Variants in STK32B observed in about 807,000 individuals in gnomAD.
The protein encoded by STK32B is serine/threonine kinase 32B.
STK32B carries 43 observed loss-of-function variants against 52.6 expected under a neutral mutation model. The observed-to-expected ratio is 0.82, with a 90% confidence interval of 0.64 to 1.05. The LOEUF is 1.05. STK32B is among the 50% of genes least tolerant of loss of function. The probability of loss-of-function intolerance (pLI) is 0.00; values close to 1 mark genes in which losing one functional copy is unlikely to be tolerated. For missense variants in STK32B, 621 were observed against 534.6 expected, an observed-to-expected ratio of 1.16 and a Z score of -1.59; for synonymous variants, 238 against 204.3, an observed-to-expected ratio of 1.17 and a Z score of -1.41.
At chr4:5,223,000 T>G (rs972375263) in intron 3 of STK32B, among the ~76,000 whole-genome samples, 1 of 152,152 alleles carries the variant, frequency 6.6e-6, no homozygotes, top group African/African-American at 2.4e-5. Context: ...AGAGTGGTTT[T>G]GAGGGAGAGT....
At chr4:5,059,659 G>A (rs1010221004) in intron 1 of STK32B, among the ~76,000 whole-genome samples, 3 of 152,098 alleles carry the variant, frequency 2.0e-5, no homozygotes, top group East Asian at 1.9e-4. Context: ...CAATACATTC[G>A]AAGTGGACAA....
intron 3 of STK32B, among the ~76,000 whole-genome samples, chr4:5,180,496 C>T (rs776367582): frequency 1.3e-5 from 2 of 152,130 alleles, no homozygotes; most frequent in African/African-American, 2.4e-5. Flanking sequence ...CTGGTCACCT[C>T]TCTATCACAG....
intron 3 of STK32B, among the ~76,000 whole-genome samples, chr4:5,261,937 A>G (rs1003563984): frequency 1.3e-5 from 2 of 152,204 alleles, no homozygotes; most frequent in East Asian, 3.8e-4. Flanking sequence ...TGCAAATATA[A>G]TAATCAAATG....
At chr4:5,498,893 G>C in intron 11 of STK32B, 52 bp from the exon 12 acceptor site, 1 of 1,544,172 alleles carries the variant, frequency 6.5e-7, no homozygotes, top group Non-Finnish European at 8.8e-7. Context: ...TCCTGGATGT[G>C]CCTCCACAAC....
chr4:5,476,592 C>T (rs1191257876), intron 11 of STK32B, among the ~76,000 whole-genome samples: 1 of 151,958 alleles, frequency 6.6e-6, no homozygotes, highest in Non-Finnish European at 1.5e-5. Flanking sequence ...TGCCTGAGAA[C>T]CCTGTGTTGT....
chr4:5,359,393 C>A (rs1412825039), intron 4 of STK32B, among the ~76,000 whole-genome samples: 20 of 149,896 alleles, frequency 1.3e-4, no homozygotes, highest in East Asian at 5.9e-4. Context: ...CCCTCCCTCC[C>A]TCCCTCCCTC....
At chr4:5,237,575 A>C (rs1560247887) in intron 3 of STK32B, among the ~76,000 whole-genome samples, 1 of 152,228 alleles carries the variant, frequency 6.6e-6, no homozygotes, top group Non-Finnish European at 1.5e-5. Context: ...TGAAGACAAC[A>C]AATCTAGGAT....
At chr4:5,422,084 T>A (rs1712694501) in intron 6 of STK32B, among the ~76,000 whole-genome samples, 1 of 152,158 alleles carries the variant, frequency 6.6e-6, no homozygotes, top group Non-Finnish European at 1.5e-5. Flanking sequence ...TGGAAAAAGC[T>A]TTTCCAATTA....
At chr4:5,042,018 T>C in the STK32B span, among the ~76,000 whole-genome samples, 25 of 152,316 alleles carry the variant, frequency 1.6e-4, no homozygotes, top group South Asian at 2.9e-3. Flanking sequence ...TTCTACAGCG[T>C]GATCGTGTTA....
the STK32B span, among the ~76,000 whole-genome samples, chr4:5,032,175 A>G: frequency 7.1e-6 from 1 of 140,094 alleles, no homozygotes; most frequent in Non-Finnish European, 1.5e-5. Context: ...CCTAGAAAGA[A>G]AAAAAAAAAA....
intron 4 of STK32B, among the ~76,000 whole-genome samples, chr4:5,375,339 C>G (rs1342890247): frequency 2.6e-5 from 4 of 152,190 alleles, no homozygotes; most frequent in East Asian, 3.8e-4. Flanking sequence ...ACACAGACCC[C>G]TCTGCTTCCA....
intron 6 of STK32B, among the ~76,000 whole-genome samples, chr4:5,433,955 G>C (rs554132037): frequency 1.3e-5 from 2 of 152,288 alleles, no homozygotes; most frequent in South Asian, 4.1e-4. Context: ...TGCTTTTCTG[G>C]AAGGCCCGTT....
At chr4:5,141,187 C>T (rs1400357321) in intron 2 of STK32B, among the ~76,000 whole-genome samples, 1 of 152,234 alleles carries the variant, frequency 6.6e-6, no homozygotes, top group Non-Finnish European at 1.5e-5. Flanking sequence ...CCAGTGGCTA[C>T]TGTATTGGAA....
chr4:5,343,260 C>G (rs911315816), intron 4 of STK32B, among the ~76,000 whole-genome samples: 1 of 152,074 alleles, frequency 6.6e-6, no homozygotes, highest in African/African-American at 2.4e-5. Flanking sequence ...TCATCCATGT[C>G]CCTACAAAGG....
chr4:5,226,490 A>G (rs531092067), intron 3 of STK32B, among the ~76,000 whole-genome samples: 1 of 152,318 alleles, frequency 6.6e-6, no homozygotes, highest in East Asian at 1.9e-4. Context: ...GAAAAGCATG[A>G]TGAAATCTCA....
intron 1 of STK32B, among the ~76,000 whole-genome samples, chr4:5,094,837 C>G (rs1045281387): frequency 2.0e-5 from 3 of 152,188 alleles, no homozygotes; most frequent in South Asian, 4.2e-4. Flanking sequence ...CCACATTGTT[C>G]TCAAGGGTCA....
intron 11 of STK32B, among the ~76,000 whole-genome samples, chr4:5,492,670 G>T (rs978880054): frequency 6.6e-6 from 1 of 150,756 alleles, no homozygotes; most frequent in African/African-American, 2.5e-5. Flanking sequence ...CAAAGGGAAT[G>T]CTTCCAGTTT....
chr4:5,200,564 G>A (rs73797122), intron 3 of STK32B, among the ~76,000 whole-genome samples: 5,426 of 152,132 alleles, frequency 0.036, 311 homozygotes, highest in African/African-American at 0.12. Context: ...GGGAGAGCAC[G>A]GCTTTATTAG....
chr4:5,267,237 G>T (rs2108851863), intron 3 of STK32B, among the ~76,000 whole-genome samples: 1 of 152,280 alleles, frequency 6.6e-6, no homozygotes, highest in African/African-American at 2.4e-5. Flanking sequence ...ACTGTCCAGT[G>T]TCCATTATAG....
Sources: gnomAD v4.1 joint callset for allele counts (sites outside exome capture counted in the v4.1 genomes callset) on GRCh38, gnomAD v4.1.1 for gene constraint, MANE v1.5 for transcripts, NCBI Gene and HGNC (gene_info 2026-07-23, HGNC 2026-07-21) for gene names.